CARD14: variants seen among roughly 807,000 people sequenced by gnomAD.
CARD14 encodes the protein caspase recruitment domain family member 14, also known as caspase recruitment domain-containing protein 14.
CARD14 carries 107 observed loss-of-function variants against 111.5 expected under a neutral mutation model. That is an observed-to-expected ratio of 0.96 (90% CI 0.82 to 1.13). CARD14 has a LOEUF of 1.13. Among genes scored for constraint, CARD14 ranks in the 50% most tolerant of loss-of-function variants. The pLI is 0.00. For missense variants in CARD14, 1,322 were observed against 1,362.3 expected, an observed-to-expected ratio of 0.97 and a Z score of 0.47; for synonymous variants, 617 against 579.6, an observed-to-expected ratio of 1.06 and a Z score of -0.93.
chr17:80,193,939 G>A (rs989118019), intron 12 of CARD14, among the ~76,000 whole-genome samples: 1 of 152,132 alleles, frequency 6.6e-6, no homozygotes, highest in Admixed American at 6.5e-5. Flanking sequence ...GGAGGGAAGG[G>A]ACCTCAGGTG....
chr17:80,202,073 C>T, intron 17 of CARD14, 107 bp from the exon 18 acceptor site: 1 of 1,255,202 alleles, frequency 8.0e-7, no homozygotes, highest in South Asian at 1.4e-5. Context: ...AGAGCAGCTT[C>T]TGAGACTGGG....
chr17:80,190,711 C>T (rs2040498050), intron 9 of CARD14, 63 bp from the exon 10 acceptor site: 16 of 1,593,602 alleles, frequency 1.0e-5, no homozygotes, highest in Non-Finnish European at 1.4e-5. Context: ...TCCCCGACCC[C>T]CTTCTAAGGC....
At position 80,191,324 on chromosome 17, in the gene CARD14, C is replaced by G. The variant is rs141698692; in HGVS notation, c.1091C>G (p.Ala364Gly). Residue 364 changes from alanine to glycine, a missense_variant and splice_region_variant, in exon 11 of 24, where the codon GCG becomes GGG. Transcript: ENST00000648509. ...VCELQKERDQ[A>G]YSARDSAQRE... ...CCTTACTCCCGTCGTGGCCCACAGG[C>G]GTACTCCGCGAGGGACAGTGCTCAG... 6.2e-7 allele frequency: 1 copy of G among 1,610,914 alleles called. No individual in the cohort carries two copies. The highest frequency in any genetic ancestry group is 1.7e-5 in the Admixed American group (1 of 59,968).
intron 4 of CARD14, among the ~76,000 whole-genome samples, chr17:80,180,399 C>G (rs56694512): frequency 0.013 from 1,937 of 152,270 alleles, 37 homozygotes; most frequent in African/African-American, 0.044. Context: ...CCACACCCCC[C>G]GCAGCCGAGC....
In CARD14 at chr17:80,195,624, C is replaced by G. The variant is rs768245103; in HGVS notation, c.1566C>G (p.His522Gln). 3 of 1,613,520 alleles carry G rather than the reference C, an allele frequency of 1.9e-6. No homozygotes were observed. The highest frequency in any genetic ancestry group is 2.5e-6 in the Non-Finnish European group (3 of 1,179,888). The change falls in exon 14 of 24, where the codon CAC becomes CAG. Residue 522 changes from histidine (H) to glutamine (Q), a missense_variant. Physicochemically the swap from His to Gln is conservative, Grantham distance 24. Transcript: ENST00000648509. The surrounding 1 kb of genome is among the most constrained non-coding windows in gnomAD (Gnocchi z 4.7). ...ALPGAKAGDPHLDYELLDTAD... is the reference protein window; with the variant it reads ...ALPGAKAGDPQLDYELLDTAD... ...CGGGAGCTAAGGCAGGCGACCCACA[C>G]CTGGATTATGAGCTCCTAGACACGG...
rs149318654 is a variant in CARD14 at position 80,188,528 on chromosome 17, C to G, written c.827C>G (p.Ser276Trp). The G allele has an allele frequency of 1.3e-6, 2 of 1,517,268 alleles. No homozygotes were observed. Among genetic ancestry groups the G allele is most frequent in the Non-Finnish European group, 1.8e-6 (2 of 1,131,438 alleles). The allele number at this position is 1,517,268 out of a possible 1,614,324, so 94.0% of individuals were successfully genotyped here. ...AAGGAGGAGAATGAGAAACTGCGCT[C>G]GCTGACTTTCAGCCTGGTAGGTTCC... is the stretch of plus-strand genomic sequence containing the variant. ...RLKEENEKLRSLTFSLAEKDI... is the reference protein window; with the variant it reads ...RLKEENEKLRWLTFSLAEKDI... The change falls in exon 8 of 24, where the codon TCG (serine) becomes TGG (tryptophan). Residue 276 changes from serine (S) to tryptophan (W), a missense_variant. Transcript: ENST00000648509. This position sits in a 1 kb window ranked among gnomAD's most constrained non-coding sequence, Gnocchi z 4.5.
Position 80,188,713 on chromosome 17 carries a change from C to T in CARD14, c.843+169C>T, listed in dbSNP as rs1467361912. 1 of 598,028 alleles carries T rather than the reference C, an allele frequency of 1.7e-6. No individual in the cohort carries two copies. The highest frequency in any genetic ancestry group is 1.9e-5 in the African/African-American group (1 of 51,936). 37.0% of individuals were successfully genotyped at this position (598,028 alleles called of 1,614,324 possible). On this transcript the variant is annotated intron_variant, in intron 8 of 23. Transcript: ENST00000648509. The surrounding 1 kb of genome is among the most constrained non-coding windows in gnomAD (Gnocchi z 4.5). ...CTTTACCTCCTTCCTTCCTGCTGTT[C>T]CCCAGACCCCAAAATTGGCAGAATT...
intron 5 of CARD14, among the ~76,000 whole-genome samples, chr17:80,181,973 G>A (rs968645047): frequency 2.6e-5 from 4 of 152,226 alleles, no homozygotes; most frequent in African/African-American, 9.6e-5. Flanking sequence ...ATTAAAAAAT[G>A]GGGATGGTAA....
Position 80,182,619 on chromosome 17 carries a change from G to C in CARD14, c.212-34G>C, listed in dbSNP as rs1052713843. ...GGGAGCCCAGCCCCCTTGGTAGCTG[G>C]GTTCTGCCCAGACAGACGGTTCTGC... is the stretch of plus-strand genomic sequence containing the variant. On this transcript the variant is annotated intron_variant, in intron 5 of 23. Coordinates refer to ENST00000648509, the MANE Select transcript of CARD14 (RefSeq NM_001366385.1). The surrounding 1 kb of genome is among the most constrained non-coding windows in gnomAD (Gnocchi z 4.7). 3 of 1,611,600 alleles carry C rather than the reference G, an allele frequency of 1.9e-6. No individual in the cohort carries two copies. The highest frequency in any genetic ancestry group is 2.5e-6 in the Non-Finnish European group (3 of 1,178,920).
At chr17:80,183,823 C>G in intron 6 of CARD14, 90 bp from the exon 7 acceptor site, 6 of 1,099,698 alleles carry the variant, frequency 5.5e-6, no homozygotes, top group South Asian at 1.8e-5. Context: ...CACATGCTCA[C>G]CTGCCCACCT....
rs760618098 is a variant in CARD14, at chr17:80,202,239, T to C, written c.2038T>C (p.Tyr680His). ...AGTGGCGACCTCGGGGGACTCATTC[T>C]ACATCCGGGTCAACCTGGCCATGGA... is the stretch of plus-strand genomic sequence containing the variant. Reference protein sequence around the residue: ...AKVATSGDSFYIRVNLAMEGR... With the variant: ...AKVATSGDSFHIRVNLAMEGR... Residue 680 changes from tyrosine to histidine, a missense_variant, in exon 18 of 24, where the codon TAC becomes CAC. Tyr to His is a moderately conservative substitution (Grantham distance 83). Transcript: ENST00000648509. The C allele has an allele frequency of 6.4e-5, 103 of 1,613,892 alleles. No homozygotes were observed. Among genetic ancestry groups the C allele is most frequent in the Non-Finnish European group, 7.9e-5 (93 of 1,180,032 alleles).
At position 80,198,400 on chromosome 17, in the gene CARD14, G is replaced by T. The variant is rs567315820; in HGVS notation, c.1660G>T (p.Gly554Cys). Residue 554 changes from glycine (G) to cysteine (C), a missense_variant and splice_region_variant, in exon 16 of 24, where the codon GGC becomes TGC. Coordinates refer to ENST00000648509, the MANE Select transcript of CARD14 (RefSeq NM_001366385.1). The surrounding 1 kb of genome is among the most constrained non-coding windows in gnomAD (Gnocchi z 7.5). ...AGCCGGTCGTCTCCCGGCCTGCAGCGGCGTCCTCATGCGGCGGAGGCCAGC... is the reference window on the plus strand; with the variant it reads ...AGCCGGTCGTCTCCCGGCCTGCAGCTGCGTCCTCATGCGGCGGAGGCCAGC... ...SPGRLDVSESGVLMRRRPARR... is the reference protein window; with the variant it reads ...SPGRLDVSESCVLMRRRPARR... The T allele has an allele frequency of 1.1e-5, 17 of 1,598,452 alleles. No individual in the cohort carries two copies. Among genetic ancestry groups the T allele is most frequent in the Non-Finnish European group, 1.4e-5 (16 of 1,170,088 alleles).
intron 23 of CARD14, 47 bp downstream of exon 23, chr17:80,207,132 G>A (rs377008105): frequency 1.6e-5 from 23 of 1,424,912 alleles, no homozygotes; most frequent in Non-Finnish European, 2.2e-5. Context: ...GCGGCTCCTG[G>A]GCTCCCCCAA....
rs1163973350 is a variant in CARD14, at chr17:80,173,115, G to T, written c.-480G>T. The T allele has an allele frequency of 6.5e-6, 1 of 153,328 alleles. No individual in the cohort carries two copies. Among genetic ancestry groups the T allele is most frequent in the Non-Finnish European group, 1.5e-5 (1 of 68,000 alleles). 9.5% of individuals were successfully genotyped at this position (153,328 alleles called of 1,614,324 possible). A position where few individuals can be genotyped will look rare whatever the true frequency, so the allele number is the denominator to read the frequency against. The stretch of plus-strand genomic sequence containing the variant: ...GGCTGGTCTCGAACTCTGACCTCAA[G>T]TGATCTGCCTGCCTCAGCCTCTGAA... On this transcript the variant is annotated 5_prime_UTR_variant, in exon 2 of 24. Coordinates refer to ENST00000648509, the MANE Select transcript of CARD14 (RefSeq NM_001366385.1).
chr17:80,198,004 G>C lies in CARD14; in HGVS notation c.1595-95G>C. ...GCCCCATCAGCAGTGGGGTGACCAAGATCTGTGAAGAAGGGGCTGAGGTTA... is the reference window on the plus strand; with the variant it reads ...GCCCCATCAGCAGTGGGGTGACCAACATCTGTGAAGAAGGGGCTGAGGTTA... On this transcript the variant is annotated intron_variant, in intron 14 of 23. Coordinates refer to ENST00000648509, the MANE Select transcript of CARD14 (RefSeq NM_001366385.1). The surrounding 1 kb of genome is among the most constrained non-coding windows in gnomAD (Gnocchi z 7.5). 7.8e-7 allele frequency: 1 copy of C among 1,279,490 alleles called. No homozygotes were observed. The highest frequency in any genetic ancestry group is 1.1e-6 in the Non-Finnish European group (1 of 880,296). The allele number at this position is 1,279,490 out of a possible 1,614,324, so 79.3% of individuals were successfully genotyped here. A position where few individuals can be genotyped will look rare whatever the true frequency, so the allele number is the denominator to read the frequency against.
At chr17:80,183,450 C>T (rs981762667) in intron 6 of CARD14, among the ~76,000 whole-genome samples, 1 of 152,162 alleles carries the variant, frequency 6.6e-6, no homozygotes, top group South Asian at 2.1e-4. Context: ...CTCAGGATAA[C>T]GTTAAAATGA....
chr17:80,206,514 C>A (rs1300599728), intron 22 of CARD14, among the ~76,000 whole-genome samples: 1 of 152,198 alleles, frequency 6.6e-6, no homozygotes, highest in Non-Finnish European at 1.5e-5. Flanking sequence ...GCCTCTAATC[C>A]CAGCACTTTG....
rs1598648129 is a variant in CARD14 at position 80,188,015 on chromosome 17, A to C, written c.676-362A>C. 2 of 980,406 alleles carry C rather than the reference A, an allele frequency of 2.0e-6. No homozygotes were observed. Among genetic ancestry groups the C allele is most frequent in the Non-Finnish European group, 2.4e-6 (2 of 822,114 alleles). 60.7% of individuals were successfully genotyped at this position (980,406 alleles called of 1,614,324 possible). On this transcript the variant is annotated intron_variant, in intron 7 of 23. Coordinates refer to ENST00000648509, the MANE Select transcript of CARD14 (RefSeq NM_001366385.1). This position sits in a 1 kb window ranked among gnomAD's most constrained non-coding sequence, Gnocchi z 4.5. ...TCCCTTTCTTGATGTATTTAGCAGA[A>C]CATGGACAAGCAGGGAAGCCAGGGA... is the stretch of plus-strand genomic sequence containing the variant.
rs750711622 is a variant in CARD14, at chr17:80,198,574, G to A, written c.1834G>A (p.Gly612Ser). The change falls in exon 16 of 24, where the codon GGC becomes AGC. Residue 612 changes from glycine to serine, a missense_variant. Physicochemically the swap from Gly to Ser is moderately conservative, Grantham distance 56. Coordinates refer to ENST00000648509, the MANE Select transcript of CARD14 (RefSeq NM_001366385.1). The surrounding 1 kb of genome is among the most constrained non-coding windows in gnomAD (Gnocchi z 7.5). ...SAADQMALRP[G>S]TQIVMVDYEA... Reference sequence around the variant, plus strand: ...GGCGGACCAGATGGCCTTGCGCCCGGGCACCCAGATTGTGATGGTGAGCCG... The same window carrying A: ...GGCGGACCAGATGGCCTTGCGCCCGAGCACCCAGATTGTGATGGTGAGCCG... 1.2e-6 allele frequency: 2 copies of A among 1,612,574 alleles called. No homozygotes were observed. Among genetic ancestry groups the A allele is most frequent in the Non-Finnish European group, 1.7e-6 (2 of 1,179,686 alleles).
Sources: gnomAD v4.1 joint callset for allele counts (sites outside exome capture counted in the v4.1 genomes callset) on GRCh38, gnomAD v4.1.1 for gene constraint, Gnocchi (gnomAD v3.1) non-coding constraint, MANE v1.5 for transcripts, NCBI Gene and HGNC (gene_info 2026-07-23, HGNC 2026-07-21) for gene names.